Variants in HPSE2 observed in about 807,000 individuals in gnomAD.
The protein encoded by HPSE2 is heparanase 2 (inactive).
A neutral mutation model predicts 60.5 loss-of-function variants in HPSE2; 38 were observed. The ratio of observed to expected loss-of-function variants is 0.63; its 90% CI spans 0.48 to 0.82. The LOEUF (loss-of-function observed/expected upper bound fraction) is 0.82, where lower values mean the gene tolerates loss of function less well. HPSE2 is among the 40% of genes least tolerant of loss of function. The probability of loss-of-function intolerance (pLI) is 0.00; values close to 1 mark genes in which losing one functional copy is unlikely to be tolerated. For synonymous variants in HPSE2, 295 were observed against 293.2 expected (o/e 1.01, Z -0.06); for missense variants, 713 against 740.4 (o/e 0.96, Z 0.43).
chr10:98,937,937 C>T (rs1224890767), intron 3 of HPSE2, among the ~76,000 whole-genome samples: 1 of 143,566 alleles, frequency 7.0e-6, no homozygotes, highest in Admixed American at 6.9e-5. Flanking sequence ...TCATAAAAAT[C>T]CACTGTTCTG....
intron 2 of HPSE2, among the ~76,000 whole-genome samples, chr10:99,182,748 A>T (rs1420586180): frequency 1.3e-5 from 2 of 152,156 alleles, no homozygotes; most frequent in African/African-American, 4.8e-5. Flanking sequence ...CTGTAAATCC[A>T]GCACTTTGGG....
intron 3 of HPSE2, among the ~76,000 whole-genome samples, chr10:98,860,662 C>A (rs1030904111): frequency 6.6e-6 from 1 of 152,140 alleles, no homozygotes; most frequent in African/African-American, 2.4e-5. Flanking sequence ...AAATCTAACA[C>A]AATCTCAGAT....
intron 3 of HPSE2, among the ~76,000 whole-genome samples, chr10:99,008,513 C>T (rs931530042): frequency 1.3e-5 from 2 of 152,186 alleles, no homozygotes; most frequent in African/African-American, 4.8e-5. Flanking sequence ...GACAGGTAAA[C>T]TCCAAGGCTC....
chr10:98,575,899 G>A (rs538266718), intron 9 of HPSE2, among the ~76,000 whole-genome samples: 40 of 152,158 alleles, frequency 2.6e-4, no homozygotes, highest in African/African-American at 9.4e-4. Flanking sequence ...AAAGACAAGA[G>A]GTTATATTAG....
In HPSE2 at chr10:99,113,296, G is replaced by C. The variant is rs554588396; in HGVS notation, c.610+30942C>G. ...ACAAGCTCCATAAAACTAGTACATG[G>C]TAAATACAGAATCCAAACCTACGTC... On this transcript the variant is annotated intron_variant, in intron 3 of 11. Transcript: ENST00000370552. Among the ~76,000 whole-genome samples the C allele has an allele frequency of 7.1e-4, 108 of 152,268 alleles. 1 individual carries two copies. The Middle Eastern group carries it at 0.01, about 14-fold the overall frequency.
intron 9 of HPSE2, among the ~76,000 whole-genome samples, chr10:98,506,772 C>T (rs1033075527): frequency 2.6e-5 from 4 of 152,156 alleles, no homozygotes; most frequent in Non-Finnish European, 4.4e-5. Context: ...CCTGATTTTC[C>T]GTTTCTAGAG....
chr10:98,926,148 A>G (rs1013297262), intron 3 of HPSE2, among the ~76,000 whole-genome samples: 26 of 152,180 alleles, frequency 1.7e-4, no homozygotes, highest in Admixed American at 6.5e-4. Flanking sequence ...GAACCTCAAA[A>G]GGGCATGCTT....
intron 3 of HPSE2, among the ~76,000 whole-genome samples, chr10:99,100,554 T>C (rs1035885907): frequency 1.3e-5 from 2 of 152,160 alleles, no homozygotes; most frequent in African/African-American, 2.4e-5. Context: ...CGGAACCAAG[T>C]TGGAAAACAC....
At chr10:98,943,288 AT>A (rs1955076020) in intron 3 of HPSE2, among the ~76,000 whole-genome samples, 1 of 151,840 alleles carries the variant, frequency 6.6e-6, no homozygotes, top group African/African-American at 2.4e-5. Context: ...AAAAATAATT[AT>A]CTGTGAGAAG....
chr10:99,171,740 A>T (rs1238822394), intron 2 of HPSE2, among the ~76,000 whole-genome samples: 1 of 152,114 alleles, frequency 6.6e-6, no homozygotes, highest in Non-Finnish European at 1.5e-5. Flanking sequence ...CACTTGATAC[A>T]TCCTTTTTGA....
intron 6 of HPSE2, among the ~76,000 whole-genome samples, chr10:98,669,735 G>A (rs1191349832): frequency 6.6e-6 from 1 of 152,164 alleles, no homozygotes; most frequent in Non-Finnish European, 1.5e-5. Flanking sequence ...TAGAACAGAG[G>A]AGGGAATGAA....
chr10:98,862,838 C>G (rs193112436), intron 3 of HPSE2, among the ~76,000 whole-genome samples: 1 of 152,106 alleles, frequency 6.6e-6, no homozygotes, highest in African/African-American at 2.4e-5. Context: ...CATAGCTCAC[C>G]GTAACCTTGA....
At chr10:98,988,803 AAAAC>A (rs1254764953) in intron 3 of HPSE2, among the ~76,000 whole-genome samples, 51 of 118,960 alleles carry the variant, frequency 4.3e-4, no homozygotes, top group African/African-American at 1.4e-3. Flanking sequence ...TTACAAGAAA[AAAAC>A]AAACAACCCC....
intron 3 of HPSE2, among the ~76,000 whole-genome samples, chr10:98,827,162 T>A (rs1565192172): frequency 9.2e-5 from 1 of 10,838 alleles, no homozygotes; most frequent in Non-Finnish European, 4.5e-4. Context: ...AAAAAAAAAT[T>A]TTTTTTTAAA....
intron 3 of HPSE2, among the ~76,000 whole-genome samples, chr10:98,964,217 T>G (rs1955756539): frequency 6.6e-6 from 1 of 152,168 alleles, no homozygotes; most frequent in African/African-American, 2.4e-5. Flanking sequence ...TATTTTCAAT[T>G]ATTTTCTCCT....
intron 9 of HPSE2, among the ~76,000 whole-genome samples, chr10:98,548,758 CT>C (rs1943772988): frequency 6.6e-6 from 1 of 152,178 alleles, no homozygotes; most frequent in Non-Finnish European, 1.5e-5. Flanking sequence ...CCCATTGCCC[CT>C]GGCCTTAATT....
intron 8 of HPSE2, among the ~76,000 whole-genome samples, chr10:98,619,968 A>T (rs914311274): frequency 6.6e-6 from 1 of 152,206 alleles, no homozygotes; most frequent in African/African-American, 2.4e-5. Context: ...CTGTGCCACT[A>T]ACTAAATGAG....
At chr10:99,093,997 T>C (rs1428044934) in intron 3 of HPSE2, among the ~76,000 whole-genome samples, 1 of 152,160 alleles carries the variant, frequency 6.6e-6, no homozygotes, top group Admixed American at 6.5e-5. Context: ...AATACATTGA[T>C]TTTTTTACTC....
At chr10:98,552,504 G>C (rs1160756538) in intron 9 of HPSE2, among the ~76,000 whole-genome samples, 1 of 152,186 alleles carries the variant, frequency 6.6e-6, no homozygotes, top group East Asian at 1.9e-4. Context: ...CCTAGAGGGA[G>C]TGACTGAAGT....
Sources: gnomAD v4.1 joint callset for allele counts (sites outside exome capture counted in the v4.1 genomes callset) on GRCh38, gnomAD v4.1.1 for gene constraint, MANE v1.5 for transcripts, NCBI Gene and HGNC (gene_info 2026-07-23, HGNC 2026-07-21) for gene names.